Variants in LSAMP observed in about 807,000 individuals in gnomAD.
LSAMP encodes the protein limbic system associated membrane protein.
A neutral mutation model predicts 38.6 loss-of-function variants in LSAMP; 7 were observed. The observed-to-expected ratio is 0.18, with a 90% confidence interval of 0.10 to 0.34. LSAMP has a LOEUF of 0.34. Among genes scored for constraint, LSAMP ranks in the 10% least tolerant of loss-of-function variants. The pLI is 1.00. For missense variants in LSAMP, 313 were observed against 420.0 expected (o/e 0.75, Z 2.23); for synonymous variants, 154 against 166.8 (o/e 0.92, Z 0.59).
At chr3:116,411,455 G>A (rs1417352636) in intron 1 of LSAMP, among the ~76,000 whole-genome samples, 1 of 151,814 alleles carries the variant, frequency 6.6e-6, no homozygotes, top group African/African-American at 2.4e-5. Context: ...CATAAAAAAT[G>A]ATGAGTTCAT....
At chr3:116,418,263 T>C (rs2049076672) in intron 1 of LSAMP, among the ~76,000 whole-genome samples, 2 of 152,158 alleles carry the variant, frequency 1.3e-5, no homozygotes, top group Admixed American at 1.3e-4. Flanking sequence ...AACTTACTTA[T>C]CTCAGTTGGC....
chr3:116,235,304 C>G (rs2046450975), intron 1 of LSAMP, among the ~76,000 whole-genome samples: 1 of 151,932 alleles, frequency 6.6e-6, no homozygotes, highest in Non-Finnish European at 1.5e-5. Context: ...TTTGTAGAGA[C>G]AGGAGCTCAC....
intron 1 of LSAMP, among the ~76,000 whole-genome samples, chr3:116,355,137 A>T (rs887703097): frequency 3.3e-5 from 5 of 152,154 alleles, no homozygotes; most frequent in African/African-American, 1.2e-4. Flanking sequence ...TTTCACATTT[A>T]TATGTGCATA....
Position 116,445,165 on chromosome 3 carries a change from C to T in LSAMP, c.-134G>A. 2 of 809,892 alleles carry T rather than the reference C, an allele frequency of 2.5e-6. No individual in the cohort carries two copies. The highest frequency in any genetic ancestry group is 3.8e-6 in the Non-Finnish European group (2 of 523,012). 50.2% of individuals were successfully genotyped at this position (809,892 alleles called of 1,614,324 possible). ...GGGCTTTGCCAGTTTATGGTCCTTT[C>T]CACTTTGCCTCTCTCTTTCCCTCGC... is the stretch of plus-strand genomic sequence containing the variant. On this transcript the variant is annotated 5_prime_UTR_variant, in exon 1 of 7. Transcript: ENST00000490035.
At chr3:115,975,372 G>A (rs1021250608) in intron 3 of LSAMP, among the ~76,000 whole-genome samples, 3 of 152,184 alleles carry the variant, frequency 2.0e-5, no homozygotes, top group African/African-American at 2.4e-5. Flanking sequence ...TAATGAAAGA[G>A]GTTGGGGTAA....
rs187593577 is a variant in LSAMP at position 115,808,168 on chromosome 3, C to A, written c.*2149G>T. On this transcript the variant is annotated 3_prime_UTR_variant, in exon 7 of 7. Transcript: ENST00000490035. ...TCCCTCCCCCCCTTCCCCGTCCCCC[C>A]CTCCCTGCCTTCCTTCCTTCCTTCC... The A allele has an allele frequency of 9.9e-6, 1 of 101,360 alleles. No individual in the cohort carries two copies. The allele number at this position is 101,360 out of a possible 1,614,324, so 6.3% of individuals were successfully genotyped here.
rs559143335 is a variant in LSAMP at position 116,050,534 on chromosome 3, A to G, written c.389-30894T>C. Among the ~76,000 whole-genome samples, 522 of 146,168 alleles carry G rather than the reference A, an allele frequency of 3.6e-3. 7 individuals are homozygous for G. Among genetic ancestry groups the G allele is most frequent in the African/African-American group, 0.012 (452 of 38,330 alleles). ...TATGGTCCTTGGGGAAATTAGGGGG[A>G]AAAAAAAAAAGTATCCACTAAGTCA... is the stretch of plus-strand genomic sequence containing the variant. On this transcript the variant is annotated intron_variant, in intron 2 of 6. Coordinates refer to ENST00000490035, the MANE Select transcript of LSAMP (RefSeq NM_002338.5).
chr3:115,813,813 A>G (rs1325096329), intron 6 of LSAMP, among the ~76,000 whole-genome samples: 1 of 152,168 alleles, frequency 6.6e-6, no homozygotes, highest in Admixed American at 6.5e-5. Context: ...GAGTTATGAA[A>G]TTTCTGCTTA....
chr3:116,022,191 GT>G (rs1940657858), intron 2 of LSAMP, among the ~76,000 whole-genome samples: 1 of 149,704 alleles, frequency 6.7e-6, no homozygotes, highest in Admixed American at 6.6e-5. Flanking sequence ...ATGATGCAGT[GT>G]TTTTTGCTTT....
At chr3:116,369,038 C>G (rs1322525764) in intron 1 of LSAMP, among the ~76,000 whole-genome samples, 3 of 151,024 alleles carry the variant, frequency 2.0e-5, no homozygotes, top group African/African-American at 7.3e-5. Flanking sequence ...AATTCGAGAA[C>G]AAAGCTTAAG....
intron 1 of LSAMP, among the ~76,000 whole-genome samples, chr3:116,258,088 T>G (rs1403730957): frequency 6.6e-6 from 1 of 152,104 alleles, no homozygotes; most frequent in Non-Finnish European, 1.5e-5. Context: ...TTTTGACTGA[T>G]TCTTTGATTT....
At chr3:116,043,635 A>G (rs926237779) in intron 2 of LSAMP, among the ~76,000 whole-genome samples, 6 of 152,174 alleles carry the variant, frequency 3.9e-5, no homozygotes, top group African/African-American at 1.4e-4. Flanking sequence ...AAATGGATCT[A>G]TATGAAAATG....
At chr3:115,875,723 C>T (rs1228611663) in intron 3 of LSAMP, among the ~76,000 whole-genome samples, 3 of 151,912 alleles carry the variant, frequency 2.0e-5, no homozygotes, top group Admixed American at 2.0e-4. Context: ...TTCCAGGGTT[C>T]TTGAGCCCAA....
chr3:116,059,226 G>C (rs1941548321), intron 2 of LSAMP, among the ~76,000 whole-genome samples: 1 of 152,190 alleles, frequency 6.6e-6, no homozygotes, highest in Admixed American at 6.6e-5. Context: ...TGGTGGATTA[G>C]AGAGGTAAAT....
At chr3:116,013,793 A>G (rs1940398669) in intron 3 of LSAMP, among the ~76,000 whole-genome samples, 1 of 152,206 alleles carries the variant, frequency 6.6e-6, no homozygotes, top group Non-Finnish European at 1.5e-5. Context: ...TAGCATAACA[A>G]AACCCCTACA....
At chr3:116,390,372 T>C (rs1053032861) in intron 1 of LSAMP, among the ~76,000 whole-genome samples, 7 of 151,988 alleles carry the variant, frequency 4.6e-5, no homozygotes. Context: ...AGACTTCACA[T>C]AGAAGGTAAA....
At chr3:116,393,365 C>T (rs532577203) in intron 1 of LSAMP, among the ~76,000 whole-genome samples, 1 of 152,316 alleles carries the variant, frequency 6.6e-6, no homozygotes, top group South Asian at 2.1e-4. Context: ...TGCATCTGGT[C>T]TAGCTGCAGC....
At chr3:116,102,785 A>ATCTATCTATCTATCTGTCTG (rs562864883) in intron 1 of LSAMP, among the ~76,000 whole-genome samples, 1 of 151,692 alleles carries the variant, frequency 6.6e-6, no homozygotes, top group African/African-American at 2.4e-5. Context: ...CTATCTATCT[A>ATCTATCTATCTATCTGTCTG]TCTGTCTGTC....
chr3:116,256,200 G>A (rs901012124), intron 1 of LSAMP, among the ~76,000 whole-genome samples: 3 of 152,108 alleles, frequency 2.0e-5, no homozygotes, highest in Non-Finnish European at 4.4e-5. Flanking sequence ...GCCAGGTTTT[G>A]GATTAAATGT....
Sources: allele counts gnomAD v4.1 joint callset (sites outside exome capture counted in the v4.1 genomes callset), GRCh38; gene constraint gnomAD v4.1.1; transcripts MANE v1.5; gene names NCBI Gene and HGNC (gene_info 2026-07-23, HGNC 2026-07-21).